Variants in EIPR1 observed in about 807,000 individuals in gnomAD.
The protein encoded by EIPR1 is EARP complex and GARP complex interacting protein 1.
In EIPR1, 25 loss-of-function variants were observed where a neutral mutation model predicts 48.1. The observed-to-expected ratio is 0.52, with a 90% CI of 0.38 to 0.73. EIPR1 has a LOEUF of 0.73. EIPR1 is among the 30% of genes least tolerant of loss of function. The pLI, the probability that EIPR1 is intolerant of heterozygous loss-of-function variation, is 0.00. For synonymous variants in EIPR1, 204 were observed against 201.9 expected, an observed-to-expected ratio of 1.01 and a Z score of -0.09; for missense variants, 415 against 506.2, an observed-to-expected ratio of 0.82 and a Z score of 1.73.
intron 4 of EIPR1, among the ~76,000 whole-genome samples, chr2:3,250,601 A>G (rs947643096): frequency 1.3e-5 from 2 of 152,182 alleles, no homozygotes; most frequent in Non-Finnish European, 2.9e-5. Flanking sequence ...GCAGAAGCAG[A>G]ATGGTATGGT....
At chr2:3,299,624 T>TCTCACACACA (rs948461650) in intron 3 of EIPR1, among the ~76,000 whole-genome samples, 1 of 136,718 alleles carries the variant, frequency 7.3e-6, no homozygotes, top group African/African-American at 2.9e-5. Context: ...TCTCTCTCTC[T>TCTCACACACA]CACACACACA....
chr2:3,242,362 C>G (rs376232042), intron 4 of EIPR1, among the ~76,000 whole-genome samples: 1 of 14,008 alleles, frequency 7.1e-5, no homozygotes, highest in African/African-American at 1.2e-4. Context: ...CGACTCCACA[C>G]CCACTGACGG....
chr2:3,288,012 C>T (rs1000118292), intron 3 of EIPR1, among the ~76,000 whole-genome samples: 1 of 152,232 alleles, frequency 6.6e-6, no homozygotes, highest in Non-Finnish European at 1.5e-5. Context: ...CGTGGCCCCT[C>T]ACAGGGTTCC....
intron 4 of EIPR1, among the ~76,000 whole-genome samples, chr2:3,214,941 G>A (rs995849492): frequency 1.3e-5 from 1 of 79,730 alleles, no homozygotes; most frequent in Non-Finnish European, 2.7e-5. Flanking sequence ...GAAGAGACCT[G>A]GAGGGCAGGC....
intron 1 of EIPR1, among the ~76,000 whole-genome samples, chr2:3,366,898 C>T (rs1446320107): frequency 6.6e-6 from 1 of 151,872 alleles, no homozygotes; most frequent in African/African-American, 2.4e-5. Flanking sequence ...ACTAAAAATA[C>T]AAAAATTAGC....
intron 3 of EIPR1, among the ~76,000 whole-genome samples, chr2:3,309,643 C>T (rs1459153222): frequency 2.6e-5 from 4 of 152,058 alleles, no homozygotes; most frequent in Non-Finnish European, 5.9e-5. Context: ...CAGAGCATCC[C>T]GGGAAAGGAA....
At chr2:3,244,810 C>A (rs1223185006) in intron 4 of EIPR1, among the ~76,000 whole-genome samples, 1 of 152,188 alleles carries the variant, frequency 6.6e-6, no homozygotes, top group African/African-American at 2.4e-5. Flanking sequence ...TGGACTAAGG[C>A]GTTTTCTGAG....
At chr2:3,214,508 G>A (rs954545072) in intron 4 of EIPR1, 7 of 359,694 alleles carry the variant, frequency 1.9e-5, no homozygotes, top group Admixed American at 4.5e-5. Flanking sequence ...GCAGAGGTTC[G>A]TCAATGTACA....
intron 3 of EIPR1, among the ~76,000 whole-genome samples, chr2:3,259,502 C>T (rs1411373622): frequency 6.6e-6 from 1 of 152,230 alleles, no homozygotes; most frequent in Non-Finnish European, 1.5e-5. Flanking sequence ...AAGTGACCAG[C>T]TGGACAATGA....
At chr2:3,227,384 T>C (rs886484099) in intron 4 of EIPR1, among the ~76,000 whole-genome samples, 2 of 152,288 alleles carry the variant, frequency 1.3e-5, no homozygotes, top group African/African-American at 4.8e-5. Flanking sequence ...CTGGTGGCAT[T>C]TTGCCCCCAC....
chr2:3,304,045 G>A (rs996540731), intron 3 of EIPR1, among the ~76,000 whole-genome samples: 2 of 152,206 alleles, frequency 1.3e-5, no homozygotes, highest in African/African-American at 4.8e-5. Flanking sequence ...TGTGTGATTT[G>A]CTGACTCTGA....
chr2:3,273,489 T>C (rs1180540389), intron 3 of EIPR1, among the ~76,000 whole-genome samples: 1 of 151,906 alleles, frequency 6.6e-6, no homozygotes, highest in East Asian at 1.9e-4. Flanking sequence ...TAGAAAACAT[T>C]ATTCTCCAGC....
At chr2:3,370,185 G>C (rs1363255582) in intron 1 of EIPR1, among the ~76,000 whole-genome samples, 1 of 152,204 alleles carries the variant, frequency 6.6e-6, no homozygotes, top group East Asian at 1.9e-4. Flanking sequence ...GGTCCTGTCT[G>C]TTAGAAGGAA....
chr2:3,189,983 G>C lies in EIPR1; in HGVS notation c.990-475C>G, dbSNP rs1664547504. Among the ~76,000 whole-genome samples the C allele has an allele frequency of 6.6e-6, 1 of 152,122 alleles. No individual in the cohort carries two copies. Among genetic ancestry groups the C allele is most frequent in the South Asian group, 2.1e-4 (1 of 4,826 alleles). ...CCTGGCTGTGTAGGAGTCAGAGGCT[G>C]GGGCACAAGGAGCCTTGCTAGGATG... On this transcript the variant is annotated intron_variant, in intron 8 of 8. Coordinates refer to ENST00000382125, the MANE Select transcript of EIPR1 (RefSeq NM_003310.5). This position sits in a 1 kb window ranked among gnomAD's most constrained non-coding sequence, Gnocchi z 4.6.
chr2:3,261,789 C>A (rs1667342140), intron 3 of EIPR1: 1 of 152,212 alleles, frequency 6.6e-6, no homozygotes, highest in African/African-American at 2.4e-5. Flanking sequence ...GGATTGACAT[C>A]CTGGGCAGTT....
At position 3,281,255 on chromosome 2, in the gene EIPR1, G is replaced by T. The variant is rs191148304; in HGVS notation, c.260-23800C>A. Among the ~76,000 whole-genome samples the T allele has an allele frequency of 3.7e-3, 560 of 151,660 alleles. 6 individuals carry two copies. Among genetic ancestry groups the T allele is most frequent in the Middle Eastern group, 0.017 (5 of 294 alleles). ...CCCAAAAGTGCCCTCTGGTTGTGGT[G>T]GCTGGGACCTGCCCTCCTTCTCGGT... On this transcript the variant is annotated intron_variant, in intron 3 of 8. Coordinates refer to ENST00000382125, the MANE Select transcript of EIPR1 (RefSeq NM_003310.5).
At chr2:3,251,576 C>T (rs1218759075) in intron 4 of EIPR1, among the ~76,000 whole-genome samples, 1 of 152,156 alleles carries the variant, frequency 6.6e-6, no homozygotes, top group East Asian at 1.9e-4. Flanking sequence ...GAGAGCCCGC[C>T]ACCCTAGGTC....
At chr2:3,359,963 C>T (rs1271498800) in intron 1 of EIPR1, among the ~76,000 whole-genome samples, 6 of 152,170 alleles carry the variant, frequency 3.9e-5, no homozygotes, top group Non-Finnish European at 8.8e-5. Context: ...GGAAAAAGAA[C>T]CCACACTCCC....
chr2:3,235,896 T>A (rs1180308729), intron 4 of EIPR1, among the ~76,000 whole-genome samples: 1 of 152,180 alleles, frequency 6.6e-6, no homozygotes, highest in Admixed American at 6.5e-5. Flanking sequence ...TCCTAAGCTC[T>A]GCATGAAAGC....
Sources: allele counts gnomAD v4.1 joint callset (sites outside exome capture counted in the v4.1 genomes callset), GRCh38; gene constraint gnomAD v4.1.1; non-coding constraint Gnocchi (gnomAD v3.1); transcripts MANE v1.5; gene names NCBI Gene and HGNC (gene_info 2026-07-23, HGNC 2026-07-21).